GNRHR: variants seen among roughly 807,000 people sequenced by gnomAD.
GNRHR encodes the protein gonadotropin releasing hormone receptor.
GNRHR carries 14 observed loss-of-function variants against 28.1 expected under a neutral mutation model. The ratio of observed to expected loss-of-function variants is 0.50; its 90% CI spans 0.33 to 0.78. The LOEUF is 0.78. GNRHR is among the 30% of genes least tolerant of loss of function. The probability of loss-of-function intolerance (pLI) is 0.02; values close to 1 mark genes in which losing one functional copy is unlikely to be tolerated. For synonymous variants in GNRHR, 141 were observed against 140.5 expected (o/e 1.00, Z -0.02); for missense variants, 366 against 382.1 (o/e 0.96, Z 0.35).
intron 1 of GNRHR, among the ~76,000 whole-genome samples, chr4:67,751,110 A>G (rs2630492): frequency 0.055 from 8,357 of 152,270 alleles, 780 homozygotes; most frequent in African/African-American, 0.19. Context: ...ATGCTCAGCA[A>G]TGAGTTGTAA....
intron 1 of GNRHR, 50 bp downstream of exon 1, chr4:67,753,764 A>T: frequency 6.8e-7 from 1 of 1,461,178 alleles, no homozygotes; most frequent in African/African-American, 1.4e-5. Context: ...AAATTTAGAT[A>T]GGAAATCTAT....
At position 67,738,662 on chromosome 4, in the gene GNRHR, G is replaced by A. The variant is rs748061618; in HGVS notation, c.*1818C>T. On this transcript the variant is annotated 3_prime_UTR_variant, in exon 3 of 3. Transcript: ENST00000226413. ...TAGAGACTTAGAGGACACTGGTTTT[G>A]TTTCAACTTATCTACATCCCTGTGT... 1.3e-5 allele frequency among the ~76,000 whole-genome samples: 2 copies of A among 151,976 alleles called. No homozygotes were observed. The highest frequency in any genetic ancestry group is 4.8e-5 in the African/African-American group (2 of 41,432).
Position 67,737,906 on chromosome 4 carries a change from T to C in GNRHR, c.*2574A>G, listed in dbSNP as rs1160381936. On this transcript the variant is annotated 3_prime_UTR_variant, in exon 3 of 3. Coordinates refer to ENST00000226413, the MANE Select transcript of GNRHR (RefSeq NM_000406.3). ...TTATTATAATAGGACATAAAATAAA[T>C]GATTGTAATATCAAATATGAAATAT... Among the ~76,000 whole-genome samples the C allele has an allele frequency of 6.6e-6, 1 of 151,826 alleles. No individual in the cohort carries two copies. The highest frequency in any genetic ancestry group is 6.6e-5 in the Admixed American group (1 of 15,234).
chr4:67,752,667 T>C (rs1053390068), intron 1 of GNRHR, among the ~76,000 whole-genome samples: 1 of 152,206 alleles, frequency 6.6e-6, no homozygotes, highest in Non-Finnish European at 1.5e-5. Context: ...TGAAAACATT[T>C]TAGTTTTTCC....
chr4:67,751,442 A>G (rs1245911181), intron 1 of GNRHR, among the ~76,000 whole-genome samples: 2 of 152,240 alleles, frequency 1.3e-5, no homozygotes, highest in African/African-American at 4.8e-5. Context: ...AGTAAGGATG[A>G]GTCATGTGTT....
Position 67,737,313 on chromosome 4 carries a change from A to G in GNRHR, c.*3167T>C, listed in dbSNP as rs1173934547. Among the ~76,000 whole-genome samples the G allele has an allele frequency of 6.6e-6, 1 of 152,020 alleles. No individual in the cohort carries two copies. The highest frequency in any genetic ancestry group is 1.5e-5 in the Non-Finnish European group (1 of 67,942). ...TTATATAACTTTTAAAGTTAGACTAATTGTTTTAAACTTGATTCCTAATAA... is the reference window on the plus strand; with the variant it reads ...TTATATAACTTTTAAAGTTAGACTAGTTGTTTTAAACTTGATTCCTAATAA... On this transcript the variant is annotated 3_prime_UTR_variant, in exon 3 of 3. Coordinates refer to ENST00000226413, the MANE Select transcript of GNRHR (RefSeq NM_000406.3).
In GNRHR at chr4:67,752,228, A is replaced by G. The variant is rs367570381; in HGVS notation, c.522+1586T>C. 6.8e-4 allele frequency among the ~76,000 whole-genome samples: 101 copies of G among 148,220 alleles called. 2 individuals carry two copies. In the South Asian group the frequency reaches 0.021, roughly 31 times the overall value. On this transcript the variant is annotated intron_variant, in intron 1 of 2. Transcript: ENST00000226413. ...AAGCCTTTTTTTTTTCTTTTTTGAG[A>G]CAGGTTCTCATTCTGTCACCGAGAT...
At chr4:67,750,847 A>G (rs1450289066) in intron 1 of GNRHR, among the ~76,000 whole-genome samples, 9 of 152,136 alleles carry the variant, frequency 5.9e-5, no homozygotes. Flanking sequence ...TTTATAATTG[A>G]CCACAGAGCA....
intron 1 of GNRHR, among the ~76,000 whole-genome samples, chr4:67,751,322 G>A (rs189450372): frequency 5.4e-4 from 82 of 152,256 alleles, no homozygotes; most frequent in African/African-American, 1.9e-3. Context: ...ATATGAAATA[G>A]GGATAATAAC....
chr4:67,748,182 T>G lies in GNRHR; in HGVS notation c.523-3395A>C, dbSNP rs116638125. Among the ~76,000 whole-genome samples, 1,085 of 152,248 alleles carry G rather than the reference T, an allele frequency of 7.1e-3. 20 individuals carry two copies. Among genetic ancestry groups the G allele is most frequent in the African/African-American group, 0.025 (1,032 of 41,546 alleles). On this transcript the variant is annotated intron_variant, in intron 1 of 2. Transcript: ENST00000226413. ...AGTTGTTCATTTCTTCTTAGAATAT[T>G]ATCTTTAACACTCACCTTACCCACA... is the stretch of plus-strand genomic sequence containing the variant.
chr4:67,739,769 T>A lies in GNRHR; in HGVS notation c.*711A>T, dbSNP rs893982192. On this transcript the variant is annotated 3_prime_UTR_variant, in exon 3 of 3. Coordinates refer to ENST00000226413, the MANE Select transcript of GNRHR (RefSeq NM_000406.3). ...CCACAGACTAGATAGCTTAGAGGAA[T>A]GTTCTAAACCCCTGTCCAAATCCTA... 1.3e-5 allele frequency: 2 copies of A among 152,032 alleles called. No homozygotes were observed. Among genetic ancestry groups the A allele is most frequent in the African/African-American group, 4.8e-5 (2 of 41,422 alleles). 9.4% of individuals were successfully genotyped at this position (152,032 alleles called of 1,614,324 possible). A position where few individuals can be genotyped will look rare whatever the true frequency, so the allele number is the denominator to read the frequency against.
chr4:67,750,207 C>G (rs747697487), intron 1 of GNRHR, among the ~76,000 whole-genome samples: 1 of 152,104 alleles, frequency 6.6e-6, no homozygotes, highest in Non-Finnish European at 1.5e-5. Context: ...ATCTCACACT[C>G]ATGCCACTTT....
At position 67,739,328 on chromosome 4, in the gene GNRHR, C is replaced by G. The variant is rs895148843; in HGVS notation, c.*1152G>C. 2 of 151,858 alleles carry G rather than the reference C, an allele frequency of 1.3e-5. No individual in the cohort carries two copies. Among genetic ancestry groups the G allele is most frequent in the Admixed American group, 6.6e-5 (1 of 15,218 alleles). 9.4% of individuals were successfully genotyped at this position (151,858 alleles called of 1,614,324 possible). On this transcript the variant is annotated 3_prime_UTR_variant, in exon 3 of 3. Coordinates refer to ENST00000226413, the MANE Select transcript of GNRHR (RefSeq NM_000406.3). ...GCTGCTGTGGCAGTCTAGTCTATCC[C>G]CTTAAGATTGTGTTTTTTAAATGCA...
At chr4:67,753,026 G>A (rs1046602526) in intron 1 of GNRHR, among the ~76,000 whole-genome samples, 4 of 152,048 alleles carry the variant, frequency 2.6e-5, no homozygotes, top group African/African-American at 7.2e-5. Flanking sequence ...CCTTTTCTTC[G>A]GGGATCTGAT....
chr4:67,746,701 A>G (rs1400103796), intron 1 of GNRHR, among the ~76,000 whole-genome samples: 1 of 151,900 alleles, frequency 6.6e-6, no homozygotes, highest in East Asian at 1.9e-4. Flanking sequence ...TTTCTACCCT[A>G]CCAACAAAAA....
chr4:67,752,668 TA>T (rs1731892020), intron 1 of GNRHR, among the ~76,000 whole-genome samples: 1 of 152,206 alleles, frequency 6.6e-6, no homozygotes, highest in Non-Finnish European at 1.5e-5. Flanking sequence ...GAAAACATTT[TA>T]GTTTTTCCCA....
rs911887672 is a variant in GNRHR, at chr4:67,738,303, C to G, written c.*2177G>C. ...GAGCTGCTGTGGCAGTCTGGTCCAT[C>G]CCTCTCAGGACTGTGTTTTTAAATG... On this transcript the variant is annotated 3_prime_UTR_variant, in exon 3 of 3. Transcript: ENST00000226413. 6.6e-6 allele frequency among the ~76,000 whole-genome samples: 1 copy of G among 151,542 alleles called. No individual in the cohort carries two copies. Among genetic ancestry groups the G allele is most frequent in the South Asian group, 2.1e-4 (1 of 4,816 alleles).
At chr4:67,749,367 A>G (rs1397347723) in intron 1 of GNRHR, among the ~76,000 whole-genome samples, 12 of 152,190 alleles carry the variant, frequency 7.9e-5, no homozygotes, top group Admixed American at 7.2e-4. Context: ...ACTCTGTATT[A>G]GTACAGATAA....
At chr4:67,753,336 A>C (rs1325998114) in intron 1 of GNRHR, among the ~76,000 whole-genome samples, 1 of 152,258 alleles carries the variant, frequency 6.6e-6, no homozygotes, top group Non-Finnish European at 1.5e-5. Context: ...TAAAATTTCC[A>C]CTGAAGAAAC....
Sources: gnomAD v4.1 joint callset for allele counts (sites outside exome capture counted in the v4.1 genomes callset) on GRCh38, gnomAD v4.1.1 for gene constraint, MANE v1.5 for transcripts, NCBI Gene and HGNC (gene_info 2026-07-23, HGNC 2026-07-21) for gene names.